Variants in SCD5 observed in about 807,000 individuals in gnomAD.
SCD5 encodes the protein stearoyl-CoA desaturase 5.
In SCD5, 20 loss-of-function variants were observed where a neutral mutation model predicts 30.4. That is an observed-to-expected ratio of 0.66 (90% confidence interval 0.46 to 0.96). The LOEUF is 0.96. Among genes scored for constraint, SCD5 ranks in the 40% least tolerant of loss-of-function variants. The pLI, the probability that SCD5 is intolerant of heterozygous loss-of-function variation, is 0.00. For synonymous variants in SCD5, 173 were observed against 176.4 expected (o/e 0.98, Z 0.16); for missense variants, 381 against 443.3 (o/e 0.86, Z 1.26).
At chr4:82,780,340 A>G (rs1721840778) in intron 1 of SCD5, among the ~76,000 whole-genome samples, 1 of 152,074 alleles carries the variant, frequency 6.6e-6, no homozygotes, top group African/African-American at 2.4e-5. Context: ...GGCATTCCTC[A>G]CACTGCATTA....
intron 3 of SCD5, chr4:82,660,995 T>C: frequency 1.9e-6 from 3 of 1,614,168 alleles, no homozygotes; most frequent in Non-Finnish European, 2.5e-6. Context: ...ACTTTCAATA[T>C]ATGCCCTTGA....
At chr4:82,636,535 G>T in intron 4 of SCD5, 56 bp downstream of exon 4, 1 of 1,386,480 alleles carries the variant, frequency 7.2e-7, no homozygotes, top group Non-Finnish European at 1.0e-6. Flanking sequence ...ACTACTGAGA[G>T]GCCAAGAAAA....
chr4:82,681,341 A>ATGAT (rs543405529), intron 2 of SCD5, among the ~76,000 whole-genome samples: 9 of 152,146 alleles, frequency 5.9e-5, no homozygotes, highest in Non-Finnish European at 1.3e-4. Flanking sequence ...GACACTTAGG[A>ATGAT]TGATTCCATG....
intron 1 of SCD5, among the ~76,000 whole-genome samples, chr4:82,733,837 C>T (rs1720693219): frequency 6.6e-6 from 1 of 152,116 alleles, no homozygotes; most frequent in Non-Finnish European, 1.5e-5. Flanking sequence ...GGCCCACCAC[C>T]CTCTGACTCA....
chr4:82,756,607 C>A (rs1441346125), intron 1 of SCD5, among the ~76,000 whole-genome samples: 3 of 152,016 alleles, frequency 2.0e-5, no homozygotes, highest in Non-Finnish European at 4.4e-5. Flanking sequence ...CACCTGTAAT[C>A]CCAGTTACTC....
At chr4:82,674,629 C>T (rs1263110681) in intron 3 of SCD5, among the ~76,000 whole-genome samples, 1 of 152,130 alleles carries the variant, frequency 6.6e-6, no homozygotes, top group African/African-American at 2.4e-5. Context: ...TTGGTATTTA[C>T]CCAAAGGAGT....
chr4:82,692,131 G>A (rs1385594238), intron 2 of SCD5: 1 of 153,408 alleles, frequency 6.5e-6, no homozygotes, highest in Non-Finnish European at 1.5e-5. Flanking sequence ...TTGCCGGCAT[G>A]GTAGGTTAGA....
Position 82,798,597 on chromosome 4 carries a change from A to G in SCD5, c.-60T>C, listed in dbSNP as rs1722286030. The G allele has an allele frequency of 7.0e-7, 1 of 1,431,520 alleles. No individual in the cohort carries two copies. The highest frequency in any genetic ancestry group is 2.4e-5 in the Admixed American group (1 of 42,068). The allele number at this position is 1,431,520 out of a possible 1,614,324, so 88.7% of individuals were successfully genotyped here. On this transcript the variant is annotated 5_prime_UTR_variant, in exon 1 of 5. Coordinates refer to ENST00000319540, the MANE Select transcript of SCD5 (RefSeq NM_001037582.3). ...GCAGGCAGGCGCTCTGCCCGAGCGG[A>G]GCTCGAGGGTGGGGGCGGGGGCTTC...
At chr4:82,671,156 G>A (rs142335458) in intron 3 of SCD5, among the ~76,000 whole-genome samples, 11 of 152,222 alleles carry the variant, frequency 7.2e-5, no homozygotes, top group East Asian at 5.8e-4. Flanking sequence ...GAGACATTAC[G>A]TAACGATATA....
chr4:82,784,626 A>G (rs1340133631), intron 1 of SCD5, among the ~76,000 whole-genome samples: 1 of 152,234 alleles, frequency 6.6e-6, no homozygotes, highest in Non-Finnish European at 1.5e-5. Flanking sequence ...CCCAGAATTT[A>G]GACAGTGCTG....
intron 2 of SCD5, among the ~76,000 whole-genome samples, chr4:82,702,572 A>G (rs1183703575): frequency 6.6e-6 from 1 of 152,170 alleles, no homozygotes. Flanking sequence ...CGTTAAGAAT[A>G]CTGTTCTTAA....
At chr4:82,722,716 A>G (rs28687542) in intron 1 of SCD5, among the ~76,000 whole-genome samples, 64,610 of 150,204 alleles carry the variant, frequency 0.43, 14,565 homozygotes, top group African/African-American at 0.57. Flanking sequence ...AGTGAGCCGA[A>G]ATTGCACCAC....
At chr4:82,712,595 C>T (rs1366793591) in intron 1 of SCD5, among the ~76,000 whole-genome samples, 2 of 151,910 alleles carry the variant, frequency 1.3e-5, no homozygotes, top group African/African-American at 2.4e-5. Context: ...GGATTACAGG[C>T]GTGAGCCACC....
intron 1 of SCD5, among the ~76,000 whole-genome samples, chr4:82,782,969 A>C (rs1721904410): frequency 6.6e-6 from 1 of 152,226 alleles, no homozygotes; most frequent in Admixed American, 6.5e-5. Context: ...CATCACTCCC[A>C]GGCCACCTGC....
In SCD5 at chr4:82,630,597, T is replaced by C. The variant is rs1376839862; in HGVS notation, c.*730A>G. On this transcript the variant is annotated 3_prime_UTR_variant, in exon 5 of 5. Transcript: ENST00000319540. ...ATGACAACGTATATTTGACGTATTT[T>C]AGCTATAGCGATTAAATCACATGTC... The C allele has an allele frequency of 2.0e-5, 3 of 152,250 alleles. No homozygotes were observed. The highest frequency in any genetic ancestry group is 7.2e-5 in the African/African-American group (3 of 41,468). 9.4% of individuals were successfully genotyped at this position (152,250 alleles called of 1,614,324 possible).
At chr4:82,766,019 T>C (rs1474560189) in intron 1 of SCD5, among the ~76,000 whole-genome samples, 2 of 152,264 alleles carry the variant, frequency 1.3e-5, no homozygotes, top group African/African-American at 4.8e-5. Context: ...CTGGCTAATT[T>C]AAGATTTTCT....
chr4:82,703,403 T>C (rs913103795), intron 2 of SCD5, among the ~76,000 whole-genome samples: 2 of 152,250 alleles, frequency 1.3e-5, no homozygotes, highest in East Asian at 1.9e-4. Flanking sequence ...CGATTGCTAC[T>C]ATAAGCTTGG....
chr4:82,652,933 C>G (rs1380858387), intron 3 of SCD5, among the ~76,000 whole-genome samples: 2 of 152,162 alleles, frequency 1.3e-5, no homozygotes, highest in African/African-American at 4.8e-5. Context: ...TGGGCAGATC[C>G]CTTGAGCTCA....
chr4:82,663,457 C>G (rs1043474357), intron 3 of SCD5, among the ~76,000 whole-genome samples: 2 of 152,206 alleles, frequency 1.3e-5, no homozygotes, highest in Admixed American at 6.5e-5. Flanking sequence ...CATAGACATG[C>G]AGGAGCTGAT....
Sources: gnomAD v4.1 joint callset for allele counts (sites outside exome capture counted in the v4.1 genomes callset) on GRCh38, gnomAD v4.1.1 for gene constraint, MANE v1.5 for transcripts, NCBI Gene and HGNC (gene_info 2026-07-23, HGNC 2026-07-21) for gene names.